Variants in UVRAG observed in about 807,000 individuals in gnomAD.
The protein encoded by UVRAG is UV radiation resistance associated, also known as UV radiation resistance-associated gene protein.
A neutral mutation model predicts 78.0 loss-of-function variants in UVRAG; 19 were observed. The observed-to-expected ratio is 0.24, with a 90% CI of 0.17 to 0.36. UVRAG has a LOEUF of 0.36. Ranked by LOEUF, UVRAG falls within the 10% of genes least tolerant of loss-of-function variation. UVRAG has a pLI of 1.00. For synonymous variants in UVRAG, 323 were observed against 324.6 expected, an observed-to-expected ratio of 1.00 and a Z score of 0.05; for missense variants, 740 against 853.8, an observed-to-expected ratio of 0.87 and a Z score of 1.66.
chr11:75,928,897 A>G (rs964240182), intron 6 of UVRAG, among the ~76,000 whole-genome samples: 35 of 130,966 alleles, frequency 2.7e-4, no homozygotes, highest in Admixed American at 1.6e-3. Context: ...AGCTGAGATC[A>G]TGCCACTGCA....
intron 12 of UVRAG, among the ~76,000 whole-genome samples, chr11:76,019,958 T>A (rs554226214): frequency 6.6e-6 from 1 of 152,184 alleles, no homozygotes; most frequent in Non-Finnish European, 1.5e-5. Context: ...CCAGAGATGC[T>A]GTTTAGGAGG....
chr11:75,915,776 C>T (rs1304531877), intron 6 of UVRAG, among the ~76,000 whole-genome samples: 1 of 151,986 alleles, frequency 6.6e-6, no homozygotes, highest in Non-Finnish European at 1.5e-5. Flanking sequence ...TACCTTTCTC[C>T]TTTTGGTTCT....
intron 1 of UVRAG, among the ~76,000 whole-genome samples, chr11:75,842,065 T>A (rs1290356984): frequency 6.6e-6 from 1 of 152,154 alleles, no homozygotes; most frequent in Non-Finnish European, 1.5e-5. Flanking sequence ...ATGAAGCCCA[T>A]GTGACTGGTT....
At chr11:76,017,707 C>T (rs561288875) in intron 12 of UVRAG, among the ~76,000 whole-genome samples, 1 of 152,116 alleles carries the variant, frequency 6.6e-6, no homozygotes, top group South Asian at 2.1e-4. Flanking sequence ...CTCAATGGAA[C>T]AATGGAAGCC....
chr11:76,083,003 C>T (rs576951753), intron 13 of UVRAG, among the ~76,000 whole-genome samples: 44 of 152,282 alleles, frequency 2.9e-4, no homozygotes. Flanking sequence ...TGCACTCCAG[C>T]CTGGGTGACA....
intron 8 of UVRAG, among the ~76,000 whole-genome samples, chr11:75,985,461 T>A (rs1387182692): frequency 6.6e-6 from 1 of 152,042 alleles, no homozygotes; most frequent in Admixed American, 6.6e-5. Flanking sequence ...GGGTTCTTTT[T>A]TTGGCATATG....
intron 13 of UVRAG, among the ~76,000 whole-genome samples, chr11:76,087,367 C>T (rs1951606238): frequency 6.6e-6 from 1 of 152,144 alleles, no homozygotes; most frequent in Non-Finnish European, 1.5e-5. Flanking sequence ...GTTTTCTTTT[C>T]CTTAGAGACT....
At chr11:75,959,679 A>T (rs1948873267) in intron 6 of UVRAG, among the ~76,000 whole-genome samples, 1 of 152,206 alleles carries the variant, frequency 6.6e-6, no homozygotes, top group Admixed American at 6.5e-5. Context: ...TTCCTTCAAG[A>T]ACTTTTCCTT....
Position 76,141,543 on chromosome 11 carries a change from CTT to C in UVRAG, c.*132_*133del, listed in dbSNP as rs1335826090. Reference sequence around the variant, plus strand: ...GGAGGATATTCCTCGGAAAAACAGACTTTGGGAATGAAGGAGGGACTCAGGAT... The same window carrying C: ...GGAGGATATTCCTCGGAAAAACAGACTGGGAATGAAGGAGGGACTCAGGAT... On this transcript the variant is annotated 3_prime_UTR_variant, in exon 15 of 15. Coordinates refer to ENST00000356136, the MANE Select transcript of UVRAG (RefSeq NM_003369.4). 1.0e-6 allele frequency: 1 copy of C among 969,648 alleles called. No homozygotes were observed. Among genetic ancestry groups the C allele is most frequent in the East Asian group, 2.6e-5 (1 of 37,926 alleles). 60.1% of individuals were successfully genotyped at this position (969,648 alleles called of 1,614,324 possible).
chr11:75,856,805 T>C (rs891990936), intron 2 of UVRAG, among the ~76,000 whole-genome samples: 5 of 152,228 alleles, frequency 3.3e-5, no homozygotes, highest in Admixed American at 2.6e-4. Flanking sequence ...ACCCCTGTAA[T>C]CCAGTTGCCT....
chr11:76,022,356 A>G (rs753476574), intron 12 of UVRAG, among the ~76,000 whole-genome samples: 1 of 152,180 alleles, frequency 6.6e-6, no homozygotes, highest in Non-Finnish European at 1.5e-5. Flanking sequence ...TTCTGTCTAA[A>G]TGTTCCATTT....
At chr11:76,064,633 T>G (rs1951154103) in intron 12 of UVRAG, among the ~76,000 whole-genome samples, 1 of 152,180 alleles carries the variant, frequency 6.6e-6, no homozygotes, top group African/African-American at 2.4e-5. Flanking sequence ...TGTAACAAAT[T>G]TACCTTTGGA....
intron 7 of UVRAG, 81 bp from the exon 8 acceptor site, chr11:75,983,301 ATTTAT>A (rs1949429820): frequency 8.1e-7 from 1 of 1,241,088 alleles, no homozygotes; most frequent in Non-Finnish European, 1.1e-6. Flanking sequence ...TTAAGCCATT[ATTTAT>A]TTTTAAACAT....
At chr11:76,037,711 C>CAAGGA (rs897991813) in intron 12 of UVRAG, among the ~76,000 whole-genome samples, 6 of 151,886 alleles carry the variant, frequency 4.0e-5, no homozygotes, top group African/African-American at 1.5e-4. Flanking sequence ...GACCCTGTCG[C>CAAGGA]AAGGAAAGGG....
chr11:75,821,651 C>T (rs1945392608), intron 1 of UVRAG, among the ~76,000 whole-genome samples: 3 of 152,122 alleles, frequency 2.0e-5, no homozygotes, highest in Admixed American at 1.3e-4. Flanking sequence ...TTAGTTTTTA[C>T]CTGATGTCCT....
At chr11:76,037,682 A>C (rs1256371566) in intron 12 of UVRAG, among the ~76,000 whole-genome samples, 1 of 152,138 alleles carries the variant, frequency 6.6e-6, no homozygotes, top group East Asian at 1.9e-4. Flanking sequence ...ACTACACTCC[A>C]GACTGGGTGA....
At chr11:76,139,928 T>C (rs981098576) in intron 14 of UVRAG, among the ~76,000 whole-genome samples, 1 of 151,892 alleles carries the variant, frequency 6.6e-6, no homozygotes, top group Non-Finnish European at 1.5e-5. Flanking sequence ...AGACCAAGTA[T>C]TGTAAAACAT....
chr11:75,828,950 A>G (rs1945596115), intron 1 of UVRAG, among the ~76,000 whole-genome samples: 1 of 151,606 alleles, frequency 6.6e-6, no homozygotes, highest in Non-Finnish European at 1.5e-5. Flanking sequence ...CAAACTCCTG[A>G]GCTCAAGCAA....
intron 7 of UVRAG, among the ~76,000 whole-genome samples, chr11:75,971,381 G>T (rs994275132): frequency 6.6e-6 from 1 of 152,212 alleles, no homozygotes; most frequent in Non-Finnish European, 1.5e-5. Context: ...TTGCTAGATT[G>T]TATAGTAAGA....
Sources: allele counts gnomAD v4.1 joint callset (sites outside exome capture counted in the v4.1 genomes callset), GRCh38; gene constraint gnomAD v4.1.1; transcripts MANE v1.5; gene names NCBI Gene and HGNC (gene_info 2026-07-23, HGNC 2026-07-21).